Variants in LRP1B observed in about 807,000 individuals in gnomAD.
LRP1B encodes the protein low-density lipoprotein receptor-related protein 1B.
Under a neutral mutation model 556.6 loss-of-function variants are expected in LRP1B, and 217 were observed. That is an observed-to-expected ratio of 0.39 (90% CI 0.35 to 0.44). The LOEUF (loss-of-function observed/expected upper bound fraction) is 0.44, where lower values mean the gene tolerates loss of function less well. LRP1B is among the 20% of genes least tolerant of loss of function. LRP1B has a pLI of 1.00. For missense variants in LRP1B, 5,053 were observed against 5,620.8 expected (o/e 0.90, Z 3.23); for synonymous variants, 2,047 against 1,865.8 (o/e 1.10, Z -2.50).
intron 41 of LRP1B, among the ~76,000 whole-genome samples, chr2:140,607,827 A>C (rs1321946815): frequency 6.6e-6 from 1 of 152,066 alleles, no homozygotes; most frequent in Non-Finnish European, 1.5e-5. Context: ...CCTTATTAGA[A>C]TGCTTCACAA....
intron 86 of LRP1B, among the ~76,000 whole-genome samples, chr2:140,267,787 TACAA>T (rs767189208): frequency 6.6e-6 from 1 of 152,086 alleles, no homozygotes; most frequent in Admixed American, 6.6e-5. Flanking sequence ...AAGAGCCACA[TACAA>T]ACAGAGATAG....
intron 2 of LRP1B, among the ~76,000 whole-genome samples, chr2:141,761,017 G>A (rs1045264507): frequency 1.3e-5 from 2 of 152,052 alleles, no homozygotes; most frequent in Middle Eastern, 3.4e-3. Flanking sequence ...TTTTATTTAC[G>A]GAGTATGGGG....
intron 7 of LRP1B, among the ~76,000 whole-genome samples, chr2:141,156,776 A>G (rs1255982266): frequency 6.6e-6 from 1 of 152,142 alleles, no homozygotes; most frequent in African/African-American, 2.4e-5. Flanking sequence ...GCAATGTAGG[A>G]ATTTGAATCT....
At chr2:140,874,315 A>G (rs1693235711) in intron 25 of LRP1B, among the ~76,000 whole-genome samples, 1 of 152,140 alleles carries the variant, frequency 6.6e-6, no homozygotes, top group African/African-American at 2.4e-5. Flanking sequence ...AATGTATTGC[A>G]TCTCACTGTT....
At chr2:141,913,618 C>G (rs978033814) in intron 1 of LRP1B, among the ~76,000 whole-genome samples, 1 of 152,102 alleles carries the variant, frequency 6.6e-6, no homozygotes, top group Non-Finnish European at 1.5e-5. Context: ...GAATACCCCA[C>G]TTGGAAAGAG....
chr2:141,654,116 AC>A (rs1345113739), intron 2 of LRP1B, among the ~76,000 whole-genome samples: 4 of 152,190 alleles, frequency 2.6e-5, no homozygotes, highest in African/African-American at 9.6e-5. Flanking sequence ...TGTATTCAAA[AC>A]CCTGTGATTA....
At chr2:141,317,935 G>T (rs1164460565) in intron 3 of LRP1B, among the ~76,000 whole-genome samples, 1 of 151,970 alleles carries the variant, frequency 6.6e-6, no homozygotes, top group Non-Finnish European at 1.5e-5. Flanking sequence ...ATTCTTGGTG[G>T]CATGAGTCTT....
intron 2 of LRP1B, among the ~76,000 whole-genome samples, chr2:141,516,788 C>T (rs1574035623): frequency 6.6e-6 from 1 of 150,926 alleles, no homozygotes; most frequent in East Asian, 2.0e-4. Flanking sequence ...ACCTCCGCCT[C>T]CCAGGCTCAA....
intron 7 of LRP1B, among the ~76,000 whole-genome samples, chr2:141,087,880 G>A (rs1210195228): frequency 8.0e-5 from 3 of 37,310 alleles, no homozygotes; most frequent in Non-Finnish European, 2.3e-4. Context: ...TTTCACATAT[G>A]CCTCATTTGT....
At chr2:140,439,685 G>C (rs1232246703) in intron 66 of LRP1B, among the ~76,000 whole-genome samples, 1 of 151,780 alleles carries the variant, frequency 6.6e-6, no homozygotes, top group Non-Finnish European at 1.5e-5. Flanking sequence ...GTCTCACCAA[G>C]ACTAAATTAT....
intron 2 of LRP1B, among the ~76,000 whole-genome samples, chr2:141,580,096 A>G (rs181683298): frequency 2.6e-5 from 4 of 152,304 alleles, no homozygotes; most frequent in African/African-American, 9.6e-5. Context: ...CTGGTATTCA[A>G]GATACTTTGA....
At chr2:141,217,548 GAA>G (rs1682864114) in intron 6 of LRP1B, among the ~76,000 whole-genome samples, 1 of 152,106 alleles carries the variant, frequency 6.6e-6, no homozygotes, top group Non-Finnish European at 1.5e-5. Context: ...GGAAAAAAAT[GAA>G]ATTTGACCTC....
chr2:140,751,291 C>A (rs1310418802), intron 35 of LRP1B, among the ~76,000 whole-genome samples: 1 of 152,210 alleles, frequency 6.6e-6, no homozygotes, highest in South Asian at 2.1e-4. Context: ...CCACGCATGG[C>A]CTCAGTTATA....
intron 7 of LRP1B, among the ~76,000 whole-genome samples, chr2:141,125,170 T>C (rs1389497773): frequency 6.6e-6 from 1 of 152,192 alleles, no homozygotes; most frequent in Non-Finnish European, 1.5e-5. Context: ...GTATCTTCTT[T>C]GGAAAAAATA....
intron 2 of LRP1B, among the ~76,000 whole-genome samples, chr2:141,722,719 CAGATAGATACATAGAT>C (rs1476748396): frequency 2.1e-5 from 3 of 140,850 alleles, no homozygotes; most frequent in African/African-American, 8.0e-5. Flanking sequence ...GATAGACAGG[CAGATAGATACATAGAT>C]AGATAGATAG....
intron 66 of LRP1B, among the ~76,000 whole-genome samples, chr2:140,427,994 C>T (rs1354354756): frequency 2.0e-5 from 3 of 152,112 alleles, no homozygotes; most frequent in African/African-American, 7.2e-5. Flanking sequence ...GGTTAATGCT[C>T]CTTTTTCTTT....
intron 2 of LRP1B, among the ~76,000 whole-genome samples, chr2:141,655,810 A>C (rs1201052850): frequency 2.6e-5 from 4 of 152,144 alleles, no homozygotes; most frequent in Non-Finnish European, 1.5e-5. Flanking sequence ...CTTTGCTCTT[A>C]GGTTTCAGTT....
intron 3 of LRP1B, among the ~76,000 whole-genome samples, chr2:141,366,738 T>C (rs1337618452): frequency 2.6e-5 from 4 of 152,336 alleles, no homozygotes; most frequent in Admixed American, 2.0e-4. Flanking sequence ...TTTTCTCAAA[T>C]GTCTTATTTT....
intron 7 of LRP1B, among the ~76,000 whole-genome samples, chr2:141,161,989 T>C (rs538819063): frequency 6.6e-6 from 1 of 152,168 alleles, no homozygotes; most frequent in South Asian, 2.1e-4. Flanking sequence ...AAAAATAGGA[T>C]GAAATCTCAG....
Sources: allele counts gnomAD v4.1 joint callset (sites outside exome capture counted in the v4.1 genomes callset), GRCh38; gene constraint gnomAD v4.1.1; transcripts MANE v1.5; gene names NCBI Gene and HGNC (gene_info 2026-07-23, HGNC 2026-07-21).